Variants in DET1 observed in about 807,000 individuals in gnomAD.
DET1 encodes DET1 partner of COP1 E3 ubiquitin ligase.
DET1 carries 22 observed loss-of-function variants against 43.7 expected under a neutral mutation model. That is an observed-to-expected ratio of 0.50 (90% CI 0.36 to 0.72). The LOEUF (loss-of-function observed/expected upper bound fraction) is 0.72. Among genes scored for constraint, DET1 ranks in the 30% least tolerant of loss-of-function variants. DET1 has a pLI of 0.00. For synonymous variants in DET1, 315 were observed against 266.2 expected (o/e 1.18, Z -1.79); for missense variants, 713 against 713.3 (o/e 1.00, Z 0.00).
chr15:88,528,547 T>C (rs746957487), intron 2 of DET1, among the ~76,000 whole-genome samples: 3 of 152,224 alleles, frequency 2.0e-5, no homozygotes, highest in Non-Finnish European at 2.9e-5. Context: ...TCAAATGCCA[T>C]AGGTGGCAGA....
chr15:88,538,986 G>A (rs1377703427), intron 1 of DET1, among the ~76,000 whole-genome samples: 4 of 152,042 alleles, frequency 2.6e-5, no homozygotes, highest in African/African-American at 7.2e-5. Flanking sequence ...TCTGGTAGGC[G>A]CCTCTGTGTC....
chr15:88,542,355 G>A (rs559305740), intron 1 of DET1, among the ~76,000 whole-genome samples: 21 of 152,218 alleles, frequency 1.4e-4, no homozygotes, highest in Admixed American at 9.2e-4. Context: ...ATCTCCTCAC[G>A]GATATTAAAG....
chr15:88,545,117 G>T (rs867552780), intron 1 of DET1, among the ~76,000 whole-genome samples: 1 of 152,108 alleles, frequency 6.6e-6, no homozygotes, highest in Middle Eastern at 3.4e-3. Context: ...CTACTCTGGG[G>T]GATCAACCAG....
At chr15:88,511,711 G>T, downstream of DET1, 1 of 565,068 alleles carries the variant, frequency 1.8e-6, no homozygotes, top group Non-Finnish European at 2.2e-6. Context: ...ATCCTGCACT[G>T]AATGCTGAAG....
chr15:88,545,985 G>C (rs1271715972), intron 1 of DET1, among the ~76,000 whole-genome samples: 2 of 151,160 alleles, frequency 1.3e-5, no homozygotes, highest in African/African-American at 2.4e-5. Context: ...TAAAGCCCCT[G>C]CACCTGGAAC....
intron 4 of DET1, among the ~76,000 whole-genome samples, chr15:88,514,769 A>T (rs1284778738): frequency 6.6e-6 from 1 of 152,234 alleles, no homozygotes; most frequent in Non-Finnish European, 1.5e-5. Context: ...CAGATATTGC[A>T]GGAATGGCAT....
chr15:88,519,209 C>T (rs568922036), intron 3 of DET1, among the ~76,000 whole-genome samples: 1 of 152,306 alleles, frequency 6.6e-6, no homozygotes, highest in South Asian at 2.1e-4. Context: ...CACCTACCAC[C>T]TCCACTCTCC....
chr15:88,525,683 G>A (rs2056642333), intron 3 of DET1, among the ~76,000 whole-genome samples: 1 of 151,824 alleles, frequency 6.6e-6, no homozygotes, highest in Non-Finnish European at 1.5e-5. Context: ...TGTTTTTGAG[G>A]CAGGGTCTTG....
intron 2 of DET1, among the ~76,000 whole-genome samples, chr15:88,529,272 C>A: frequency 6.6e-6 from 1 of 152,212 alleles, no homozygotes; most frequent in South Asian, 2.1e-4. Flanking sequence ...TTGATCCTAT[C>A]AGGGTTTCAC....
rs2057072140 is a variant in DET1 at position 88,540,313 on chromosome 15, A to C, written c.-11+6227T>G. 2.6e-5 allele frequency among the ~76,000 whole-genome samples: 4 copies of C among 152,226 alleles called. No homozygotes were observed. The South Asian group carries it at 8.3e-4, about 32-fold the overall frequency. ...CCTCCCTCAATCTTAAAGCTACAGC[A>C]ATGTGGCAAGTGGTATTAGCTGTTG... On this transcript the variant is annotated intron_variant, in intron 1 of 4. Transcript: ENST00000268148.
chr15:88,539,919 C>A (rs1386049670), intron 1 of DET1, among the ~76,000 whole-genome samples: 1 of 152,168 alleles, frequency 6.6e-6, no homozygotes, highest in Admixed American at 6.5e-5. Context: ...CATTCTGTAA[C>A]TTTTCCTGTG....
Position 88,512,845 on chromosome 15 carries a change from C to G in DET1, c.*106G>C. ...TCTCTCCCATCTGAGGTATAGCAGG[C>G]TGGAACTAACAGAGCTAGTAGTCGG... is the stretch of plus-strand genomic sequence containing the variant. On this transcript the variant is annotated 3_prime_UTR_variant, in exon 5 of 5. Transcript: ENST00000268148. The G allele has an allele frequency of 4.7e-6, 7 of 1,504,636 alleles. No homozygotes were observed. The highest frequency in any genetic ancestry group is 6.2e-6 in the Non-Finnish European group (7 of 1,124,714). 93.2% of individuals were successfully genotyped at this position (1,504,636 alleles called of 1,614,324 possible).
chr15:88,541,080 G>C (rs1371329934), intron 1 of DET1, among the ~76,000 whole-genome samples: 2 of 84,010 alleles, frequency 2.4e-5, no homozygotes, highest in African/African-American at 7.0e-5. Flanking sequence ...GGAATGTCTC[G>C]GTATAAAACC....
At chr15:88,509,592 T>C (rs2056176149), downstream of DET1, among the ~76,000 whole-genome samples, 1 of 152,194 alleles carries the variant, frequency 6.6e-6, no homozygotes, top group African/African-American at 2.4e-5. Flanking sequence ...GTGATTATCG[T>C]GTTAGATCAT....
In DET1 at chr15:88,512,634, AT is replaced by A; in HGVS notation, c.*316del. The A allele has an allele frequency of 9.2e-7, 1 of 1,088,598 alleles. No homozygotes were observed. The highest frequency in any genetic ancestry group is 4.0e-5 in the South Asian group (1 of 24,796). The allele number at this position is 1,088,598 out of a possible 1,614,324, so 67.4% of individuals were successfully genotyped here. On this transcript the variant is annotated 3_prime_UTR_variant, in exon 5 of 5. Coordinates refer to ENST00000268148, the MANE Select transcript of DET1 (RefSeq NM_001144074.3). ...ATGCCGAAGAAGTGACATGAAGGGG[AT>A]AAAAGTCTAATGCTTTCATCTTCAC...
At chr15:88,537,377 G>C (rs143921179) in intron 1 of DET1, among the ~76,000 whole-genome samples, 4 of 152,152 alleles carry the variant, frequency 2.6e-5, no homozygotes, top group African/African-American at 9.6e-5. Flanking sequence ...ATTTTTTGGG[G>C]TCTCACTCTG....
At chr15:88,539,875 C>T (rs1374913385) in intron 1 of DET1, among the ~76,000 whole-genome samples, 1 of 152,172 alleles carries the variant, frequency 6.6e-6, no homozygotes, top group Non-Finnish European at 1.5e-5. Flanking sequence ...TTCAAAACAG[C>T]CACCCTGCAG....
intron 1 of DET1, among the ~76,000 whole-genome samples, chr15:88,545,314 T>A (rs1023045588): frequency 1.3e-5 from 2 of 152,220 alleles, no homozygotes; most frequent in African/African-American, 4.8e-5. Flanking sequence ...CCTGGTCTCA[T>A]GGAGCCCACC....
At chr15:88,534,330 TA>T (rs1384663632) in intron 1 of DET1, among the ~76,000 whole-genome samples, 2 of 152,110 alleles carry the variant, frequency 1.3e-5, no homozygotes, top group Non-Finnish European at 2.9e-5. Context: ...AATGCAGCTA[TA>T]AAACCTAGAC....
Sources: allele counts gnomAD v4.1 joint callset (sites outside exome capture counted in the v4.1 genomes callset), GRCh38; gene constraint gnomAD v4.1.1; transcripts MANE v1.5; gene names NCBI Gene and HGNC (gene_info 2026-07-23, HGNC 2026-07-21).